Variants in DBN1 observed in about 807,000 individuals in gnomAD.
DBN1 encodes the protein drebrin 1, also known as drebrin.
DBN1 carries 21 observed loss-of-function variants against 83.5 expected under a neutral mutation model. The ratio of observed to expected loss-of-function variants is 0.25; its 90% CI spans 0.18 to 0.36. The LOEUF (loss-of-function observed/expected upper bound fraction) is 0.36, where lower values mean the gene tolerates loss of function less well. DBN1 is among the 10% of genes least tolerant of loss of function. The pLI is 1.00. For synonymous variants in DBN1, 381 were observed against 384.9 expected (o/e 0.99, Z 0.12); for missense variants, 874 against 935.7 (o/e 0.93, Z 0.86).
In DBN1 at chr5:177,466,350, G is replaced by A. The variant is rs1323546576; in HGVS notation, c.771+422C>T. Among the ~76,000 whole-genome samples the A allele has an allele frequency of 1.3e-5, 2 of 152,244 alleles. No individual in the cohort carries two copies. Among genetic ancestry groups the A allele is most frequent in the Non-Finnish European group, 2.9e-5 (2 of 68,042 alleles). On this transcript the variant is annotated intron_variant, in intron 8 of 14. Coordinates refer to ENST00000393565, the MANE Select transcript of DBN1 (RefSeq NM_001363541.2). This position sits in a 1 kb window ranked among gnomAD's most constrained non-coding sequence, Gnocchi z 4.8. ...CCCTGGAACAAAGGGGCTGCTCCCA[G>A]GGAGATGCTGCTCCCAAGGAGATGG...
Position 177,466,108 on chromosome 5 carries a change from G to A in DBN1, c.771+664C>T, listed in dbSNP as rs1757426335. Among the ~76,000 whole-genome samples, 1 of 152,104 alleles carries A rather than the reference G, an allele frequency of 6.6e-6. No individual in the cohort carries two copies. Among genetic ancestry groups the A allele is most frequent in the African/African-American group, 2.4e-5 (1 of 41,404 alleles). ...CTGTGGGTGACTCCGGAGCCCGTTT[G>A]AGTCCCCACAGCCATGCATCTGCCC... On this transcript the variant is annotated intron_variant, in intron 8 of 14. Transcript: ENST00000393565. The surrounding 1 kb of genome is among the most constrained non-coding windows in gnomAD (Gnocchi z 4.8).
intron 1 of DBN1, chr5:177,472,954 G>C (rs1419841249): frequency 1.9e-6 from 1 of 537,352 alleles, no homozygotes; most frequent in African/African-American, 2.1e-5. Flanking sequence ...CCCCGCCCTC[G>C]CTTTCCTTTG....
At position 177,459,944 on chromosome 5, in the gene DBN1, G is replaced by A. The variant is rs1581718167; in HGVS notation, c.956-204C>T. On this transcript the variant is annotated intron_variant, in intron 10 of 14. Transcript: ENST00000393565. ...AGCCTGGGAGCAGTACAGCAGGGAC[G>A]GCCTGTGGCGGGACCCCAGCATGGG... Among the ~76,000 whole-genome samples the A allele has an allele frequency of 3.9e-5, 6 of 152,300 alleles. No individual in the cohort carries two copies. The South Asian group carries it at 8.3e-4, about 21-fold the overall frequency.
intron 1 of DBN1, among the ~76,000 whole-genome samples, chr5:177,470,526 A>G (rs1482309173): frequency 6.6e-6 from 1 of 152,028 alleles, no homozygotes; most frequent in Non-Finnish European, 1.5e-5. Context: ...CAAACCCTCC[A>G]GCCTGCCTTT....
intron 2 of DBN1, chr5:177,468,619 C>A: frequency 2.3e-6 from 1 of 427,390 alleles, no homozygotes; most frequent in Non-Finnish European, 4.1e-6. Context: ...GTCACTTTCC[C>A]TGTTGGAGGC....
chr5:177,468,311 TC>T, intron 2 of DBN1, 91 bp from the exon 3 acceptor site: 1 of 1,134,046 alleles, frequency 8.8e-7, no homozygotes, highest in African/African-American at 1.5e-5. Flanking sequence ...CCTCCAGGCC[TC>T]CACAGGCACC....
At position 177,467,448 on chromosome 5, in the gene DBN1, G is replaced by C. The variant is rs769728931; in HGVS notation, c.477+33C>G. The C allele has an allele frequency of 2.5e-6, 4 of 1,609,818 alleles. No individual in the cohort carries two copies. In the Admixed American group the frequency reaches 6.7e-5, roughly 27 times the overall value. ...CCAGACTCGGGCACCAGGCCACGCAGGCAGAGCCCACGGGTGCCAAACACA... is the reference window on the plus strand; with the variant it reads ...CCAGACTCGGGCACCAGGCCACGCACGCAGAGCCCACGGGTGCCAAACACA... On this transcript the variant is annotated intron_variant, in intron 5 of 14. Transcript: ENST00000393565. The surrounding 1 kb of genome is among the most constrained non-coding windows in gnomAD (Gnocchi z 9.1).
At chr5:177,472,926 C>CA in intron 1 of DBN1, 2 of 747,050 alleles carry the variant, frequency 2.7e-6, no homozygotes, top group Non-Finnish European at 3.3e-6. Flanking sequence ...GCCCGGCCCC[C>CA]AGCCCGCTCC....
At chr5:177,462,227 C>T in intron 8 of DBN1, 4 of 985,364 alleles carry the variant, frequency 4.1e-6, no homozygotes, top group Non-Finnish European at 4.8e-6. Flanking sequence ...AAGGCTCCCA[C>T]ATACTGTGAG....
rs780050570 is a variant in DBN1 at position 177,458,426 on chromosome 5, G to C, written c.1546C>G (p.Pro516Ala). 1 of 1,614,206 alleles carries C rather than the reference G, an allele frequency of 6.2e-7. No individual in the cohort carries two copies. Among genetic ancestry groups the C allele is most frequent in the Non-Finnish European group, 8.5e-7 (1 of 1,180,014 alleles). Residue 516 changes from proline (P) to alanine (A), a missense_variant, in exon 13 of 15, where the codon CCC (proline) becomes GCC (alanine). Around this residue, in one of 4 missense-constraint regions of DBN1, gnomAD observed 725 missense variants for 719.7 expected, o/e 1.01. Coordinates refer to ENST00000393565, the MANE Select transcript of DBN1 (RefSeq NM_001363541.2). ...ADTTVANNVP[P>A]AATSLIDLWP... ...AGGTCAATGAGGCTGGTGGCGGCGG[G>C]GGGTACGTTGTTGGCAACAGTGGTG...
chr5:177,471,635 A>G (rs1757849466), intron 1 of DBN1, among the ~76,000 whole-genome samples: 1 of 152,056 alleles, frequency 6.6e-6, no homozygotes, highest in Non-Finnish European at 1.5e-5. Context: ...TGATCCTCAC[A>G]CCCCTTTTTC....
chr5:177,470,681 C>T (rs1360626530), intron 1 of DBN1, among the ~76,000 whole-genome samples: 1 of 152,218 alleles, frequency 6.6e-6, no homozygotes. Context: ...TCCTCTACCC[C>T]ACGCCTATTC....
rs1756580745 is a variant in DBN1 at position 177,457,374 on chromosome 5, G to C, written c.*59C>G. On this transcript the variant is annotated 3_prime_UTR_variant, in exon 15 of 15. Transcript: ENST00000393565. ...GAATGCAGGCACGGCGGGCCGTCTG[G>C]CCAGAGGCTGATGCAGGTGGGCGGC... The C allele has an allele frequency of 2.0e-6, 3 of 1,467,848 alleles. No homozygotes were observed. The highest frequency in any genetic ancestry group is 2.9e-6 in the Non-Finnish European group (3 of 1,047,748). 90.9% of individuals were successfully genotyped at this position (1,467,848 alleles called of 1,614,324 possible).
At position 177,459,214 on chromosome 5, in the gene DBN1, C is replaced by T; in HGVS notation, c.1148G>A (p.Ser383Asn). The T allele has an allele frequency of 1.2e-6, 2 of 1,611,340 alleles. No individual in the cohort carries two copies. The highest frequency in any genetic ancestry group is 1.7e-6 in the Non-Finnish European group (2 of 1,179,110). The change falls in exon 12 of 15, where the codon AGC becomes AAC. Residue 383 changes from serine (S) to asparagine (N), a missense_variant. Ser to Asn is a conservative substitution (Grantham distance 46). Transcript: ENST00000393565. The part of the protein sequence containing the change: ...RMAPTPIPTR[S>N]PSDSSTASTP... The stretch of plus-strand genomic sequence containing the variant: ...GGAGGCGGTGCTGGAGTCAGACGGG[C>T]TCCGCGTGGGGATGGGAGTGGGCGC...
rs1007744304 is a variant in DBN1, at chr5:177,457,009, A to G, written c.*424T>C. On this transcript the variant is annotated 3_prime_UTR_variant, in exon 15 of 15. Transcript: ENST00000393565. ...ATCTGAAGCCCTGGACAGAGAATACAAAGTGATATTTTCCCAAGAAACATA... is the reference window on the plus strand; with the variant it reads ...ATCTGAAGCCCTGGACAGAGAATACGAAGTGATATTTTCCCAAGAAACATA... The G allele has an allele frequency of 1.0e-5, 2 of 195,302 alleles. No homozygotes were observed. The highest frequency in any genetic ancestry group is 1.5e-4 in the East Asian group (1 of 6,692). 12.1% of individuals were successfully genotyped at this position (195,302 alleles called of 1,614,324 possible).
chr5:177,472,230 G>A, intron 1 of DBN1: 13 of 1,613,508 alleles, frequency 8.1e-6, no homozygotes, highest in Non-Finnish European at 1.0e-5. Context: ...TCCTCCAGAA[G>A]CCCCCAGGTC....
chr5:177,466,976 C>T lies in DBN1; in HGVS notation c.642G>A (p.Glu214=), dbSNP rs749420454. The T allele has an allele frequency of 1.9e-6, 3 of 1,613,350 alleles. No individual in the cohort carries two copies. Among genetic ancestry groups the T allele is most frequent in the Non-Finnish European group, 2.5e-6 (3 of 1,179,880 alleles). ...LRFEQERMEQ[E]RQEQEERERR... is the part of the protein sequence containing the mutation. Reference sequence around the variant, plus strand: ...GCTCGCGCTCCTCTTGCTCCTGCCGCTCCTGCTCCATCCGCTCCTGCTCGA... The same window carrying T: ...GCTCGCGCTCCTCTTGCTCCTGCCGTTCCTGCTCCATCCGCTCCTGCTCGA... Residue 214 remains glutamate, a synonymous_variant, in exon 7 of 15, where the codon GAG becomes GAA. Transcript: ENST00000393565. This position sits in a 1 kb window ranked among gnomAD's most constrained non-coding sequence, Gnocchi z 4.8.
In DBN1 at chr5:177,466,754, C is replaced by T; in HGVS notation, c.771+18G>A. The T allele has an allele frequency of 6.2e-7, 1 of 1,613,962 alleles. No individual in the cohort carries two copies. Among genetic ancestry groups the T allele is most frequent in the Non-Finnish European group, 8.5e-7 (1 of 1,179,794 alleles). ...ACTTCCCTGACCCAGAGACCGGGAG[C>T]CTTGGCAAAGAACTTACAAAGATAG... is the stretch of plus-strand genomic sequence containing the variant. On this transcript the variant is annotated intron_variant, in intron 8 of 14. Coordinates refer to ENST00000393565, the MANE Select transcript of DBN1 (RefSeq NM_001363541.2). This position sits in a 1 kb window ranked among gnomAD's most constrained non-coding sequence, Gnocchi z 4.8.
At chr5:177,459,979 C>T (rs1756892608) in intron 10 of DBN1, among the ~76,000 whole-genome samples, 1 of 152,210 alleles carries the variant, frequency 6.6e-6, no homozygotes, top group Non-Finnish European at 1.5e-5. Flanking sequence ...GGCAAGCACA[C>T]TCAGACCAGC....
Sources: allele counts gnomAD v4.1 joint callset (sites outside exome capture counted in the v4.1 genomes callset), GRCh38; gene constraint gnomAD v4.1.1; regional missense constraint gnomAD v4.1.1; non-coding constraint Gnocchi (gnomAD v3.1); transcripts MANE v1.5; gene names NCBI Gene and HGNC (gene_info 2026-07-23, HGNC 2026-07-21).